Variants in DGCR2 observed in about 807,000 individuals in gnomAD.
DGCR2 encodes integral membrane protein DGCR2/IDD.
Under a neutral mutation model 51.6 loss-of-function variants are expected in DGCR2, and 24 were observed. That is an observed-to-expected ratio of 0.47 (90% CI 0.34 to 0.65). The LOEUF (loss-of-function observed/expected upper bound fraction) is 0.65. DGCR2 is among the 30% of genes least tolerant of loss of function. The pLI is 0.01. For missense variants in DGCR2, 765 were observed against 772.1 expected, an observed-to-expected ratio of 0.99 and a Z score of 0.11; for synonymous variants, 340 against 315.4, an observed-to-expected ratio of 1.08 and a Z score of -0.82.
At chr22:19,071,654 A>G (rs1008675397) in intron 2 of DGCR2, among the ~76,000 whole-genome samples, 15 of 152,238 alleles carry the variant, frequency 9.9e-5, no homozygotes, top group Admixed American at 6.5e-4. Flanking sequence ...ACAAAGCAAT[A>G]CGGCAATAAC....
intron 1 of DGCR2, among the ~76,000 whole-genome samples, chr22:19,117,834 T>C (rs1342786291): frequency 1.3e-5 from 2 of 152,152 alleles, no homozygotes; most frequent in South Asian, 2.1e-4. Context: ...ATTACATCAC[T>C]TTCCAACTAA....
In DGCR2 at chr22:19,096,438, CTAAA is replaced by C. The variant is rs367625314; in HGVS notation, c.80-6952_80-6949del. On this transcript the variant is annotated intron_variant, in intron 1 of 9. Transcript: ENST00000263196. The stretch of plus-strand genomic sequence containing the variant: ...TGGTTTATTCTATACTTCAAAATAA[CTAAA>C]TGAGTAGAATCAGAATGTTCCTAAC... Among the ~76,000 whole-genome samples the C allele has an allele frequency of 6.8e-3, 1,042 of 152,194 alleles. 9 individuals carry two copies. Among genetic ancestry groups the C allele is most frequent in the Non-Finnish European group, 9.4e-3 (638 of 68,004 alleles).
At chr22:19,074,413 A>G (rs1287713058) in intron 2 of DGCR2, among the ~76,000 whole-genome samples, 3 of 41,142 alleles carry the variant, frequency 7.3e-5, no homozygotes, top group Admixed American at 2.3e-4. Context: ...GAGCAAGATG[A>G]AAAAAAAAAA....
At chr22:19,089,723 A>C (rs1359781200) in intron 1 of DGCR2, among the ~76,000 whole-genome samples, 1 of 152,218 alleles carries the variant, frequency 6.6e-6, no homozygotes, top group Admixed American at 6.5e-5. Flanking sequence ...TGGAATTACA[A>C]GCATGTGTCA....
At position 19,052,414 on chromosome 22, in the gene DGCR2, TCACA is replaced by T. The variant is rs34670843; in HGVS notation, c.803-3775_803-3772del. The stretch of plus-strand genomic sequence containing the variant: ...CTGGGCAACAGAGAAAGACTCTGTC[TCACA>T]CACACACACACACACACACACAAAA... On this transcript the variant is annotated intron_variant, in intron 6 of 9. Transcript: ENST00000263196. Among the ~76,000 whole-genome samples, 503 of 148,662 alleles carry T rather than the reference TCACA, an allele frequency of 3.4e-3. 4 individuals are homozygous for T. Among genetic ancestry groups the T allele is most frequent in the African/African-American group, 0.012 (478 of 40,274 alleles).
chr22:19,119,967 C>T (rs1218632038), intron 1 of DGCR2, among the ~76,000 whole-genome samples: 2 of 152,082 alleles, frequency 1.3e-5, no homozygotes, highest in Non-Finnish European at 2.9e-5. Flanking sequence ...CCGGAATCCC[C>T]ACAGAAAGAA....
At position 19,041,274 on chromosome 22, in the gene DGCR2, G is replaced by T; in HGVS notation, c.1180C>A (p.Arg394Ser). 6.2e-7 allele frequency: 1 copy of T among 1,614,060 alleles called. No individual in the cohort carries two copies. The highest frequency in any genetic ancestry group is 8.5e-7 in the Non-Finnish European group (1 of 1,180,000). Residue 394 changes from arginine (R) to serine (S), a missense_variant, in exon 9 of 10, where the codon CGC becomes AGC. Around this residue, in one of 3 missense-constraint regions of DGCR2, gnomAD observed 190 missense variants for 265.2 expected, o/e 0.72. Coordinates refer to ENST00000263196, the MANE Select transcript of DGCR2 (RefSeq NM_005137.3). ...GANLHHFNLG[R>S]RIPGFDYGPD... ...CCGTAATCAAAGCCAGGGATCCTGC[G>T]GCCGAGGTTGAAGTGGTGCACTGGG... is the stretch of plus-strand genomic sequence containing the variant.
intron 1 of DGCR2, among the ~76,000 whole-genome samples, chr22:19,096,974 A>G (rs1179107176): frequency 6.6e-6 from 1 of 152,062 alleles, no homozygotes; most frequent in Non-Finnish European, 1.5e-5. Flanking sequence ...ACGCCCTAAC[A>G]TATCATACCC....
At chr22:19,092,988 AAGAAG>A (rs66907388) in intron 1 of DGCR2, among the ~76,000 whole-genome samples, 61,903 of 151,012 alleles carry the variant, frequency 0.41, 13,082 homozygotes, top group African/African-American at 0.53. Flanking sequence ...AGGAGGAAGA[AAGAAG>A]AGAAGAAGGA....
intron 2 of DGCR2, among the ~76,000 whole-genome samples, chr22:19,085,634 T>C (rs1034575786): frequency 6.6e-6 from 1 of 152,224 alleles, no homozygotes; most frequent in Admixed American, 6.5e-5. Flanking sequence ...AGGTACTGAA[T>C]GCCCAGGCTG....
At chr22:19,113,428 T>A (rs1236606311) in intron 1 of DGCR2, among the ~76,000 whole-genome samples, 1 of 151,554 alleles carries the variant, frequency 6.6e-6, no homozygotes, top group Non-Finnish European at 1.5e-5. Context: ...CACAGACACA[T>A]GCACGTATGC....
intron 1 of DGCR2, among the ~76,000 whole-genome samples, chr22:19,101,028 C>A (rs559564922): frequency 8.5e-5 from 13 of 152,054 alleles, no homozygotes; most frequent in African/African-American, 1.9e-4. Flanking sequence ...ACCACTTGAA[C>A]CTCGGAGGTG....
At chr22:19,071,763 C>CA (rs2082818066) in intron 2 of DGCR2, among the ~76,000 whole-genome samples, 1 of 152,196 alleles carries the variant, frequency 6.6e-6, no homozygotes, top group Non-Finnish European at 1.5e-5. Context: ...ATATGGATTA[C>CA]ACAGAATAGT....
chr22:19,062,775 G>GCTCTCTCTCTCTCTCTCTCT lies in DGCR2; in HGVS notation c.625+426_625+427insAGAGAGAGAGAGAGAGAGAG, dbSNP rs1491258740. 6.4e-4 allele frequency among the ~76,000 whole-genome samples: 70 copies of GCTCTCTCTCTCTCTCTCTCT among 108,928 alleles called. 2 individuals are homozygous for GCTCTCTCTCTCTCTCTCTCT. Among genetic ancestry groups the GCTCTCTCTCTCTCTCTCTCT allele is most frequent in the South Asian group, 1.6e-3 (4 of 2,492 alleles). The allele number at this position is 108,928 out of a possible 152,430, so 71.5% of individuals were successfully genotyped here. On this transcript the variant is annotated intron_variant, in intron 5 of 9. Transcript: ENST00000263196. The stretch of plus-strand genomic sequence containing the variant: ...TCTTTGCGCACACACACACATGCAT[G>GCTCTCTCTCTCTCTCTCTCT]CTCACTCTCTCTCTCTCTCTCTCTC...
At chr22:19,104,324 T>C (rs945958034) in intron 1 of DGCR2, among the ~76,000 whole-genome samples, 1 of 152,254 alleles carries the variant, frequency 6.6e-6, no homozygotes, top group Middle Eastern at 3.4e-3. Flanking sequence ...GTCTCTGCAA[T>C]ACAAATTCTT....
chr22:19,107,683 G>C (rs1238901407), intron 1 of DGCR2, among the ~76,000 whole-genome samples: 1 of 152,218 alleles, frequency 6.6e-6, no homozygotes, highest in African/African-American at 2.4e-5. Flanking sequence ...TATTCCATGA[G>C]TGACACTTTC....
rs753675924 is a variant in DGCR2, at chr22:19,068,212, C to G, written c.216G>C (p.Glu72Asp). ...DEANCPEVTG[E>D]VRPHHGKEAV... The stretch of plus-strand genomic sequence containing the variant: ...CCTCCTTCCCATGATGAGGACGCAC[C>G]TCCCCGGTCACTTCTGAAAGCAAAA... The change falls in exon 3 of 10, where the codon GAG becomes GAC. Residue 72 changes from glutamate to aspartate, a missense_variant. Physicochemically the swap from Glu to Asp is conservative, Grantham distance 45. This residue lies in a region of DGCR2 where 370 missense variants were observed against 325.5 expected (regional missense o/e 1.14). Transcript: ENST00000263196. The G allele has an allele frequency of 3.1e-6, 5 of 1,602,228 alleles. No homozygotes were observed. The South Asian group carries it at 5.6e-5, about 18-fold the overall frequency.
At position 19,039,004 on chromosome 22, in the gene DGCR2, G is replaced by A; in HGVS notation, c.1514C>T (p.Ala505Val). The A allele has an allele frequency of 6.2e-7, 1 of 1,612,328 alleles. No individual in the cohort carries two copies. ...GCTGTCGGCAGAGTCTTCCAGGTCT[G>A]CCAGAGAGGCCCCCGCAGTGGGCAG... The part of the protein sequence containing the change: ...QPLPTAGASL[A>V]DLEDSADSSS... Residue 505 changes from alanine to valine, a missense_variant, in exon 10 of 10, where the codon GCA becomes GTA. Transcript: ENST00000263196.
At position 19,036,503 on chromosome 22, in the gene DGCR2, G is replaced by T. The variant is rs556054615; in HGVS notation, c.*2362C>A. The T allele has an allele frequency of 6.6e-6, 1 of 152,482 alleles. No individual in the cohort carries two copies. The highest frequency in any genetic ancestry group is 2.1e-4 in the South Asian group (1 of 4,830). 9.4% of individuals were successfully genotyped at this position (152,482 alleles called of 1,614,324 possible). On this transcript the variant is annotated 3_prime_UTR_variant, in exon 10 of 10. Coordinates refer to ENST00000263196, the MANE Select transcript of DGCR2 (RefSeq NM_005137.3). ...TGGCAAGCTGGTCCTAGAGGAGGAG[G>T]ACCCCTGGAGCACAAGGTTCAGCAA...
Sources: gnomAD v4.1 joint callset for allele counts (sites outside exome capture counted in the v4.1 genomes callset) on GRCh38, gnomAD v4.1.1 for gene constraint, gnomAD v4.1.1 regional missense constraint, MANE v1.5 for transcripts, NCBI Gene and HGNC (gene_info 2026-07-23, HGNC 2026-07-21) for gene names.